Variants in TTC27 observed in about 807,000 individuals in gnomAD.
The protein encoded by TTC27 is tetratricopeptide repeat protein 27.
Under a neutral mutation model 115.9 loss-of-function variants are expected in TTC27, and 79 were observed. The observed-to-expected ratio is 0.68, with a 90% CI of 0.57 to 0.82. The LOEUF (loss-of-function observed/expected upper bound fraction) is 0.82, where lower values mean the gene tolerates loss of function less well. Ranked by LOEUF, TTC27 falls within the 40% of genes least tolerant of loss-of-function variation. The pLI is 0.00. For synonymous variants in TTC27, 401 were observed against 356.0 expected (o/e 1.13, Z -1.42); for missense variants, 1,054 against 993.1 (o/e 1.06, Z -0.82).
chr2:32,794,691 G>C (rs757754631), intron 16 of TTC27, among the ~76,000 whole-genome samples: 1 of 151,978 alleles, frequency 6.6e-6, no homozygotes, highest in Non-Finnish European at 1.5e-5. Flanking sequence ...CAAACCTTTA[G>C]ATAGATGGAC....
In TTC27 at chr2:32,640,277, G is replaced by A; in HGVS notation, c.404G>A (p.Gly135Glu). 1.9e-6 allele frequency: 3 copies of A among 1,613,124 alleles called. No homozygotes were observed. Among genetic ancestry groups the A allele is most frequent in the Non-Finnish European group, 2.5e-6 (3 of 1,179,790 alleles). The change falls in exon 4 of 20, where the codon GGA becomes GAA. Residue 135 changes from glycine (G) to glutamate (E), a missense_variant. Transcript: ENST00000317907. ...TTATAATCCTTTTTTCAGGTTAAAG[G>A]ACTGGATGCATTTGTTCTGAGCCTG... is the stretch of plus-strand genomic sequence containing the variant. ...VLFQQFSEVK[G>E]LDAFVLSLLT...
intron 7 of TTC27, 135 bp from the exon 8 acceptor site, chr2:32,672,137 A>C: frequency 1.7e-6 from 1 of 587,770 alleles, no homozygotes; most frequent in South Asian, 2.3e-5. Context: ...TATGTGTTTC[A>C]CAAGAAATAG....
intron 7 of TTC27, among the ~76,000 whole-genome samples, chr2:32,670,069 G>A (rs1665953835): frequency 6.6e-6 from 1 of 151,790 alleles, no homozygotes; most frequent in Non-Finnish European, 1.5e-5. Context: ...GTAGAGACGA[G>A]GCTTCACCAT....
At chr2:32,722,165 A>G (rs1667953091) in intron 10 of TTC27, among the ~76,000 whole-genome samples, 1 of 152,218 alleles carries the variant, frequency 6.6e-6, no homozygotes, top group Admixed American at 6.5e-5. Context: ...CATTGAGATA[A>G]TTACAGTGCC....
chr2:32,637,394 C>T (rs1448128044), intron 3 of TTC27, among the ~76,000 whole-genome samples: 7 of 151,882 alleles, frequency 4.6e-5, no homozygotes, highest in Non-Finnish European at 4.4e-5. Context: ...TGCAGTGGCG[C>T]AATCTCAGCT....
chr2:32,778,258 A>G (rs978251792), intron 14 of TTC27, among the ~76,000 whole-genome samples: 2 of 152,238 alleles, frequency 1.3e-5, no homozygotes, highest in Non-Finnish European at 2.9e-5. Context: ...ATTCATTAGT[A>G]TGTCCTGCCT....
intron 14 of TTC27, among the ~76,000 whole-genome samples, chr2:32,779,457 T>C (rs1023520500): frequency 6.6e-6 from 1 of 152,240 alleles, no homozygotes; most frequent in African/African-American, 2.4e-5. Context: ...TGGAAATGTC[T>C]ATTCACATCC....
intron 13 of TTC27, among the ~76,000 whole-genome samples, chr2:32,764,226 A>T (rs1264633613): frequency 2.0e-5 from 3 of 152,172 alleles, no homozygotes; most frequent in Non-Finnish European, 4.4e-5. Context: ...TGATACTGTG[A>T]ACAGTATATG....
chr2:32,737,289 G>A (rs762335736), intron 12 of TTC27, among the ~76,000 whole-genome samples: 4 of 152,168 alleles, frequency 2.6e-5, no homozygotes, highest in South Asian at 4.1e-4. Flanking sequence ...ATTGGGCCAG[G>A]AGGGAAAATG....
At chr2:32,683,894 G>A (rs1407489056) in intron 9 of TTC27, among the ~76,000 whole-genome samples, 1 of 152,150 alleles carries the variant, frequency 6.6e-6, no homozygotes, top group Non-Finnish European at 1.5e-5. Flanking sequence ...GGTAGCTCAT[G>A]CCTGTAATCC....
intron 12 of TTC27, among the ~76,000 whole-genome samples, chr2:32,755,325 A>C (rs1463084101): frequency 6.6e-6 from 1 of 152,178 alleles, no homozygotes; most frequent in Non-Finnish European, 1.5e-5. Context: ...CTCCTTCTGC[A>C]ATCCCGGCAC....
At chr2:32,677,607 C>G (rs566906029) in intron 8 of TTC27, among the ~76,000 whole-genome samples, 3 of 151,768 alleles carry the variant, frequency 2.0e-5, no homozygotes, top group African/African-American at 4.8e-5. Context: ...GCGCCACCAC[C>G]CCCAGTTAAT....
intron 13 of TTC27, among the ~76,000 whole-genome samples, chr2:32,762,245 G>A (rs1669459817): frequency 6.6e-6 from 1 of 151,828 alleles, no homozygotes; most frequent in Non-Finnish European, 1.5e-5. Flanking sequence ...CAGGTGAAGA[G>A]TATGAGCAAA....
intron 10 of TTC27, among the ~76,000 whole-genome samples, chr2:32,727,079 G>T (rs1668135507): frequency 6.6e-6 from 1 of 152,126 alleles, no homozygotes; most frequent in Admixed American, 6.5e-5. Context: ...GATGAGATTT[G>T]GGTGGGGATG....
intron 10 of TTC27, among the ~76,000 whole-genome samples, chr2:32,731,163 C>T (rs1018326878): frequency 6.0e-5 from 9 of 151,070 alleles, no homozygotes; most frequent in Non-Finnish European, 1.0e-4. Flanking sequence ...GGTGCAATCA[C>T]GGCTCACTGC....
At chr2:32,715,776 A>G (rs1451055748) in intron 10 of TTC27, among the ~76,000 whole-genome samples, 3 of 152,132 alleles carry the variant, frequency 2.0e-5, no homozygotes, top group Non-Finnish European at 4.4e-5. Context: ...GATTGGAGGA[A>G]TATTAGTCAC....
In TTC27 at chr2:32,692,036, G is replaced by GTTTTTTTTTTTTTTTTTTTTTTT. The variant is rs779547700; in HGVS notation, c.1120-10767_1120-10745dup. On this transcript the variant is annotated intron_variant, in intron 9 of 19. Transcript: ENST00000317907. ...GGGATATTCTTTTTTAATTTTTTAG[G>GTTTTTTTTTTTTTTTTTTTTTTT]TTTTTTTTTTTTTTTTTTTTTTTTT... is the stretch of plus-strand genomic sequence containing the variant. Among the ~76,000 whole-genome samples the GTTTTTTTTTTTTTTTTTTTTTTT allele has an allele frequency of 2.9e-3, 176 of 61,208 alleles. 40 individuals are homozygous for GTTTTTTTTTTTTTTTTTTTTTTT. The highest frequency in any genetic ancestry group is 3.7e-3 in the Non-Finnish European group (127 of 34,580). 40.2% of individuals were successfully genotyped at this position (61,208 alleles called of 152,430 possible).
chr2:32,676,914 A>C (rs987199262), intron 8 of TTC27, among the ~76,000 whole-genome samples: 1 of 151,494 alleles, frequency 6.6e-6, no homozygotes, highest in African/African-American at 2.4e-5. Context: ...TATTCCATAT[A>C]TATTATTATT....
intron 18 of TTC27, among the ~76,000 whole-genome samples, chr2:32,813,750 A>G (rs748268002): frequency 4.6e-5 from 7 of 152,238 alleles, no homozygotes; most frequent in South Asian, 2.1e-4. Flanking sequence ...TTAGCTTGGT[A>G]GTTGATAATT....
Sources: allele counts gnomAD v4.1 joint callset (sites outside exome capture counted in the v4.1 genomes callset), GRCh38; gene constraint gnomAD v4.1.1; transcripts MANE v1.5; gene names NCBI Gene and HGNC (gene_info 2026-07-23, HGNC 2026-07-21).